The following NKAIN2 variants were observed in gnomAD, a reference collection of about 807,000 sequenced individuals.
NKAIN2 encodes the protein sodium/potassium-transporting ATPase subunit beta-1-interacting protein 2.
In NKAIN2, 14 loss-of-function variants were observed where a neutral mutation model predicts 32.6. The observed-to-expected ratio is 0.43, with a 90% CI of 0.28 to 0.67. The LOEUF (loss-of-function observed/expected upper bound fraction) is 0.67. Among genes scored for constraint, NKAIN2 ranks in the 30% least tolerant of loss-of-function variants. The pLI is 0.17. For missense variants in NKAIN2, 198 were observed against 258.3 expected (o/e 0.77, Z 1.60); for synonymous variants, 80 against 87.2 (o/e 0.92, Z 0.46).
At chr6:124,518,822 A>C (rs1328450771) in intron 3 of NKAIN2, among the ~76,000 whole-genome samples, 1 of 152,218 alleles carries the variant, frequency 6.6e-6, no homozygotes, top group Non-Finnish European at 1.5e-5. Context: ...CATGAGCAAG[A>C]GGAACAAATT....
intron 1 of NKAIN2, among the ~76,000 whole-genome samples, chr6:123,923,158 A>G (rs1473653298): frequency 6.6e-6 from 1 of 152,152 alleles, no homozygotes; most frequent in Non-Finnish European, 1.5e-5. Context: ...AAAAACCCAC[A>G]AACACCTAAA....
chr6:123,884,927 A>G (rs1019317484), intron 1 of NKAIN2, among the ~76,000 whole-genome samples: 4 of 152,144 alleles, frequency 2.6e-5, no homozygotes, highest in Non-Finnish European at 5.9e-5. Context: ...AATATAGCTA[A>G]TTCTGTTGAT....
chr6:124,267,499 A>G (rs1425466772), intron 1 of NKAIN2, among the ~76,000 whole-genome samples: 1 of 151,772 alleles, frequency 6.6e-6, no homozygotes, highest in Non-Finnish European at 1.5e-5. Flanking sequence ...AAAAAAAAAA[A>G]AAAGAGAAAG....
intron 3 of NKAIN2, among the ~76,000 whole-genome samples, chr6:124,487,786 G>A (rs549670292): frequency 3.3e-5 from 5 of 152,126 alleles, no homozygotes; most frequent in South Asian, 2.1e-4. Context: ...TCTGTTCCAA[G>A]TGTATTAAGT....
intron 1 of NKAIN2, among the ~76,000 whole-genome samples, chr6:123,975,011 C>T (rs1470839267): frequency 1.3e-5 from 2 of 152,024 alleles, no homozygotes; most frequent in Non-Finnish European, 2.9e-5. Flanking sequence ...CATTTATTTC[C>T]TCATTTTAGC....
intron 3 of NKAIN2, among the ~76,000 whole-genome samples, chr6:124,506,065 C>T (rs992397623): frequency 6.6e-6 from 1 of 151,980 alleles, no homozygotes; most frequent in African/African-American, 2.4e-5. Context: ...CCTGTAGTCC[C>T]AGCTACTCGG....
chr6:124,449,809 A>G (rs73578495), intron 3 of NKAIN2, among the ~76,000 whole-genome samples: 132 of 152,286 alleles, frequency 8.7e-4, no homozygotes, highest in African/African-American at 2.9e-3. Flanking sequence ...TGGAATACTT[A>G]TATGACCAAA....
intron 1 of NKAIN2, among the ~76,000 whole-genome samples, chr6:124,069,554 A>G (rs1358319578): frequency 6.6e-6 from 1 of 152,154 alleles, no homozygotes; most frequent in Non-Finnish European, 1.5e-5. Flanking sequence ...AGAGGAGCAC[A>G]GGGGGAAGAC....
intron 2 of NKAIN2, among the ~76,000 whole-genome samples, chr6:124,337,270 G>A (rs896680952): frequency 6.6e-6 from 1 of 152,178 alleles, no homozygotes; most frequent in Non-Finnish European, 1.5e-5. Flanking sequence ...GCCAAGATGG[G>A]CAGATCCCTT....
chr6:124,634,685 T>C (rs990562698), intron 3 of NKAIN2, among the ~76,000 whole-genome samples: 10 of 152,014 alleles, frequency 6.6e-5, no homozygotes, highest in Non-Finnish European at 1.5e-4. Context: ...AAATAATAAC[T>C]AAAAATTTTC....
chr6:123,907,629 G>A (rs748854711), intron 1 of NKAIN2, among the ~76,000 whole-genome samples: 1 of 152,064 alleles, frequency 6.6e-6, no homozygotes, highest in Non-Finnish European at 1.5e-5. Flanking sequence ...ATATCACTAA[G>A]AAATAAGAAA....
At chr6:124,735,964 G>A (rs533691518) in intron 4 of NKAIN2, among the ~76,000 whole-genome samples, 4 of 151,870 alleles carry the variant, frequency 2.6e-5, no homozygotes, top group Admixed American at 1.3e-4. Flanking sequence ...AATGTCTCTC[G>A]CTTTAAATCA....
intron 5 of NKAIN2, among the ~76,000 whole-genome samples, chr6:124,814,172 G>C (rs1781039879): frequency 6.6e-6 from 1 of 152,116 alleles, no homozygotes; most frequent in Admixed American, 6.5e-5. Context: ...GTCTCTCTGT[G>C]CTGACCCCCA....
chr6:124,557,575 T>C (rs1460601558), intron 3 of NKAIN2, among the ~76,000 whole-genome samples: 1 of 152,158 alleles, frequency 6.6e-6, no homozygotes, highest in Admixed American at 6.5e-5. Flanking sequence ...ATACAGAACC[T>C]GAAAGGAAAA....
intron 3 of NKAIN2, among the ~76,000 whole-genome samples, chr6:124,493,691 T>C (rs1777952848): frequency 3.6e-5 from 5 of 139,262 alleles, no homozygotes; most frequent in Admixed American, 3.2e-4. Context: ...TAGAATGTTA[T>C]CTTTCTGCAC....
chr6:124,480,709 G>A lies in NKAIN2; in HGVS notation c.273+125362G>A, dbSNP rs1350326708. On this transcript the variant is annotated intron_variant, in intron 3 of 6. Transcript: ENST00000368417. The stretch of plus-strand genomic sequence containing the variant: ...TTTGCTTTGAAAAAGTGGCTCTAGA[G>A]GTATTTTTATTCTTAGGATTTCTTT... Among the ~76,000 whole-genome samples, 5 of 151,848 alleles carry A rather than the reference G, an allele frequency of 3.3e-5. No homozygotes were observed. The South Asian group carries it at 1.0e-3, about 32-fold the overall frequency.
chr6:123,997,396 C>T (rs982793966), intron 1 of NKAIN2, among the ~76,000 whole-genome samples: 6 of 152,028 alleles, frequency 3.9e-5, no homozygotes, highest in South Asian at 2.1e-4. Context: ...GTTCTTATAA[C>T]GTTCAAGTGG....
intron 3 of NKAIN2, among the ~76,000 whole-genome samples, chr6:124,580,535 G>T (rs1353445923): frequency 6.6e-6 from 1 of 151,940 alleles, no homozygotes; most frequent in African/African-American, 2.4e-5. Flanking sequence ...TTAAAAGCAA[G>T]AAATTAAAAC....
chr6:124,668,314 GTTTC>G (rs1772913425), intron 4 of NKAIN2, among the ~76,000 whole-genome samples: 1 of 152,034 alleles, frequency 6.6e-6, no homozygotes, highest in Non-Finnish European at 1.5e-5. Flanking sequence ...GATATTTTGA[GTTTC>G]TTTATCTCCT....
Sources: gnomAD v4.1 joint callset for allele counts (sites outside exome capture counted in the v4.1 genomes callset) on GRCh38, gnomAD v4.1.1 for gene constraint, MANE v1.5 for transcripts, NCBI Gene and HGNC (gene_info 2026-07-23, HGNC 2026-07-21) for gene names.